The following GRIK4 variants were observed in gnomAD, a reference collection of about 807,000 sequenced individuals.
GRIK4 encodes the protein glutamate ionotropic receptor kainate type subunit 4.
In GRIK4, 40 loss-of-function variants were observed where a neutral mutation model predicts 104.9. The ratio of observed to expected loss-of-function variants is 0.38; its 90% CI spans 0.30 to 0.50. The LOEUF is 0.50. Among genes scored for constraint, GRIK4 ranks in the 20% least tolerant of loss-of-function variants. The pLI is 0.93. For missense variants in GRIK4, 1,047 were observed against 1,308.1 expected (o/e 0.80, Z 3.08); for synonymous variants, 485 against 524.9 (o/e 0.92, Z 1.04).
chr11:120,594,098 A>T (rs1440522108), intron 1 of GRIK4, among the ~76,000 whole-genome samples: 1 of 152,240 alleles, frequency 6.6e-6, no homozygotes, highest in East Asian at 1.9e-4. Context: ...ACAGCATTTT[A>T]AAAACTATGC....
chr11:120,765,089 A>ACAC (rs577119361), intron 3 of GRIK4, among the ~76,000 whole-genome samples: 24 of 152,130 alleles, frequency 1.6e-4, no homozygotes, highest in Non-Finnish European at 2.4e-4. Context: ...ACTTTCAGGT[A>ACAC]CACCAATCAA....
chr11:120,770,907 G>A (rs1951928790), intron 3 of GRIK4, among the ~76,000 whole-genome samples: 1 of 152,138 alleles, frequency 6.6e-6, no homozygotes, highest in African/African-American at 2.4e-5. Flanking sequence ...GCATCTGCCA[G>A]CACTCCATAA....
At chr11:120,522,966 C>G (rs1591672249) in intron 1 of GRIK4, among the ~76,000 whole-genome samples, 1 of 151,946 alleles carries the variant, frequency 6.6e-6, no homozygotes, top group South Asian at 2.1e-4. Flanking sequence ...TGGGCCCTTA[C>G]AAAATGTGTG....
intron 3 of GRIK4, among the ~76,000 whole-genome samples, chr11:120,722,235 ATTC>A (rs1215434745): frequency 6.6e-6 from 1 of 152,198 alleles, no homozygotes; most frequent in Admixed American, 6.5e-5. Context: ...TATATATGGC[ATTC>A]TTCTTTCAAA....
intron 6 of GRIK4, among the ~76,000 whole-genome samples, chr11:120,829,608 C>A (rs1953369193): frequency 6.6e-6 from 1 of 152,176 alleles, no homozygotes; most frequent in Non-Finnish European, 1.5e-5. Context: ...CCTCACCGCG[C>A]CTGCCCTTGG....
intron 1 of GRIK4, among the ~76,000 whole-genome samples, chr11:120,544,093 C>T (rs1948062650): frequency 6.6e-6 from 1 of 152,192 alleles, no homozygotes; most frequent in South Asian, 2.1e-4. Flanking sequence ...GTGTTCTATA[C>T]TTAGAATTTG....
intron 3 of GRIK4, among the ~76,000 whole-genome samples, chr11:120,701,646 TG>T (rs1228694309): frequency 6.6e-6 from 1 of 152,210 alleles, no homozygotes; most frequent in African/African-American, 2.4e-5. Context: ...GAAGAGGGAT[TG>T]CTGCGTCATA....
chr11:120,548,718 C>A (rs1415175507), intron 1 of GRIK4, among the ~76,000 whole-genome samples: 2 of 152,132 alleles, frequency 1.3e-5, no homozygotes, highest in Admixed American at 1.3e-4. Flanking sequence ...GCAAACACCC[C>A]AGAGCAGAGG....
intron 11 of GRIK4, among the ~76,000 whole-genome samples, chr11:120,890,676 G>A (rs1304717542): frequency 6.6e-6 from 1 of 152,202 alleles, no homozygotes; most frequent in Non-Finnish European, 1.5e-5. Context: ...GTGTATGAAA[G>A]TGCCTACATT....
rs115635194 is a variant in GRIK4 at position 120,913,005 on chromosome 11, T to G, written c.1476+7512T>G. Reference sequence around the variant, plus strand: ...TCTGTCTGGGCATTGTCTTAACCTCTTGACATTTGGGCAGTGACTGAATGT... The same window carrying G: ...TCTGTCTGGGCATTGTCTTAACCTCGTGACATTTGGGCAGTGACTGAATGT... On this transcript the variant is annotated intron_variant, in intron 13 of 20. Transcript: ENST00000527524. Among the ~76,000 whole-genome samples the G allele has an allele frequency of 4.7e-3, 717 of 152,338 alleles. 7 individuals carry two copies. The highest frequency in any genetic ancestry group is 0.017 in the African/African-American group (687 of 41,572).
At chr11:120,879,065 C>T (rs909493955) in intron 11 of GRIK4, among the ~76,000 whole-genome samples, 1 of 152,224 alleles carries the variant, frequency 6.6e-6, no homozygotes. Flanking sequence ...ATTCCCATTT[C>T]ACCAATAAGA....
intron 1 of GRIK4, among the ~76,000 whole-genome samples, chr11:120,531,800 T>C (rs554183884): frequency 3.3e-5 from 5 of 152,244 alleles, no homozygotes; most frequent in Non-Finnish European, 7.4e-5. Flanking sequence ...GGTCTCGGAC[T>C]CCTGACCTCA....
intron 3 of GRIK4, among the ~76,000 whole-genome samples, chr11:120,783,184 G>A (rs1246740473): frequency 3.3e-5 from 5 of 152,148 alleles, no homozygotes; most frequent in East Asian, 1.9e-4. Context: ...TTTCCAAGTC[G>A]GCAGAATAGG....
intron 1 of GRIK4, among the ~76,000 whole-genome samples, chr11:120,581,310 C>T (rs953753465): frequency 1.3e-5 from 2 of 152,196 alleles, no homozygotes; most frequent in African/African-American, 4.8e-5. Flanking sequence ...TTGACACAGA[C>T]ACTTCCTTTA....
At chr11:120,865,790 G>C (rs1954392292) in intron 9 of GRIK4, among the ~76,000 whole-genome samples, 1 of 152,172 alleles carries the variant, frequency 6.6e-6, no homozygotes, top group South Asian at 2.1e-4. Context: ...TGCCATCAAG[G>C]AATACTCGAG....
chr11:120,694,889 C>T (rs995567949), intron 3 of GRIK4, among the ~76,000 whole-genome samples: 5 of 152,210 alleles, frequency 3.3e-5, no homozygotes, highest in Non-Finnish European at 7.3e-5. Flanking sequence ...CACTGCAGCC[C>T]GTAACACTTC....
At chr11:120,752,146 G>T (rs532665984) in intron 3 of GRIK4, among the ~76,000 whole-genome samples, 1 of 152,282 alleles carries the variant, frequency 6.6e-6, no homozygotes, top group African/African-American at 2.4e-5. Context: ...CCAACTTCTT[G>T]TGACCAGTGA....
At chr11:120,572,909 G>C (rs1331930625) in intron 1 of GRIK4, among the ~76,000 whole-genome samples, 1 of 152,202 alleles carries the variant, frequency 6.6e-6, no homozygotes, top group Non-Finnish European at 1.5e-5. Flanking sequence ...TGGAAAGCCA[G>C]AGGCCTTAGT....
At chr11:120,584,251 C>G (rs1184827744) in intron 1 of GRIK4, among the ~76,000 whole-genome samples, 1 of 152,188 alleles carries the variant, frequency 6.6e-6, no homozygotes, top group Non-Finnish European at 1.5e-5. Flanking sequence ...TTGCTCCATT[C>G]AGTATTATGT....
Sources: gnomAD v4.1 joint callset for allele counts (sites outside exome capture counted in the v4.1 genomes callset) on GRCh38, gnomAD v4.1.1 for gene constraint, MANE v1.5 for transcripts, NCBI Gene and HGNC (gene_info 2026-07-23, HGNC 2026-07-21) for gene names.